Variants in PRTFDC1 observed in about 807,000 individuals in gnomAD.
PRTFDC1 encodes the protein phosphoribosyl transferase domain containing 1, also known as phosphoribosyltransferase domain-containing protein 1.
Under a neutral mutation model 34.6 loss-of-function variants are expected in PRTFDC1, and 38 were observed. The ratio of observed to expected loss-of-function variants is 1.10; its 90% CI spans 0.85 to 1.44. The LOEUF (loss-of-function observed/expected upper bound fraction) is 1.44. Among genes scored for constraint, PRTFDC1 ranks in the 40% most tolerant of loss-of-function variants. The probability of loss-of-function intolerance (pLI) is 0.00; values close to 1 mark genes in which losing one functional copy is unlikely to be tolerated. For synonymous variants in PRTFDC1, 93 were observed against 98.1 expected (o/e 0.95, Z 0.31); for missense variants, 270 against 283.0 (o/e 0.95, Z 0.33).
At chr10:24,875,102 C>T (rs1245324357) in intron 3 of PRTFDC1, among the ~76,000 whole-genome samples, 1 of 152,120 alleles carries the variant, frequency 6.6e-6, no homozygotes, top group Non-Finnish European at 1.5e-5. Flanking sequence ...CTATAAATTA[C>T]CCAGTCTCAG....
At chr10:24,899,620 C>A (rs1487651349) in intron 3 of PRTFDC1, among the ~76,000 whole-genome samples, 1 of 152,078 alleles carries the variant, frequency 6.6e-6, no homozygotes, top group African/African-American at 2.4e-5. Context: ...TTTTAACTAA[C>A]CAGAAAGTGG....
At chr10:24,869,071 T>C (rs941244625) in intron 4 of PRTFDC1, among the ~76,000 whole-genome samples, 1 of 152,222 alleles carries the variant, frequency 6.6e-6, no homozygotes, top group African/African-American at 2.4e-5. Flanking sequence ...CTTTGAAATA[T>C]ACAACACATT....
intron 7 of PRTFDC1, among the ~76,000 whole-genome samples, chr10:24,852,669 G>A (rs1334442789): frequency 2.0e-5 from 3 of 152,186 alleles, no homozygotes; most frequent in East Asian, 3.9e-4. Context: ...ACAGAATAAA[G>A]GTGCACTGGT....
chr10:24,856,323 G>C (rs1010667898), intron 6 of PRTFDC1, among the ~76,000 whole-genome samples: 78 of 150,924 alleles, frequency 5.2e-4, no homozygotes, highest in African/African-American at 1.7e-3. Flanking sequence ...GCAGTGGCTC[G>C]TGCCTGTAAT....
At chr10:24,866,360 CAAAAAAAAAAAAAAAAAAAA>C (rs1431423191) in intron 4 of PRTFDC1, among the ~76,000 whole-genome samples, 684 of 51,812 alleles carry the variant, frequency 0.013, 1 homozygote, top group Middle Eastern at 0.022. Context: ...GATTCTGCCT[CAAAAAAAAAAAAAAAAAAAA>C]GAAAAAAAAA....
At chr10:24,880,457 C>T (rs910468984) in intron 3 of PRTFDC1, among the ~76,000 whole-genome samples, 1 of 152,030 alleles carries the variant, frequency 6.6e-6, no homozygotes, top group African/African-American at 2.4e-5. Context: ...GGGGTTTCAC[C>T]ATGTCTTTAG....
chr10:24,892,132 G>C (rs1848272944), intron 3 of PRTFDC1, among the ~76,000 whole-genome samples: 1 of 152,070 alleles, frequency 6.6e-6, no homozygotes, highest in African/African-American at 2.4e-5. Flanking sequence ...CCCAGCAGTG[G>C]GATTGCTGGA....
intron 3 of PRTFDC1, among the ~76,000 whole-genome samples, chr10:24,893,314 G>T (rs1345832030): frequency 1.3e-5 from 2 of 151,032 alleles, no homozygotes; most frequent in African/African-American, 4.9e-5. Flanking sequence ...CTCTTGGCAG[G>T]GTCTTGTTCT....
intron 3 of PRTFDC1, among the ~76,000 whole-genome samples, chr10:24,898,681 A>G (rs1430659800): frequency 6.6e-6 from 1 of 152,132 alleles, no homozygotes; most frequent in African/African-American, 2.4e-5. Context: ...CTCCAGTGTG[A>G]AAAATTCCAA....
intron 7 of PRTFDC1, among the ~76,000 whole-genome samples, chr10:24,854,060 A>C (rs1013439604): frequency 6.6e-6 from 1 of 152,192 alleles, no homozygotes; most frequent in Non-Finnish European, 1.5e-5. Flanking sequence ...TGTGTGGATG[A>C]AATGAGCTAA....
intron 4 of PRTFDC1, among the ~76,000 whole-genome samples, chr10:24,859,448 T>A (rs1456985547): frequency 4.6e-5 from 7 of 152,148 alleles, no homozygotes; most frequent in Admixed American, 2.0e-4. Context: ...TTAGTAGAGA[T>A]GGAGTTTTAC....
chr10:24,872,796 A>ATG (rs1847897347), intron 3 of PRTFDC1, among the ~76,000 whole-genome samples: 1 of 122,256 alleles, frequency 8.2e-6, no homozygotes, highest in Non-Finnish European at 1.6e-5. Flanking sequence ...GTGTATATAT[A>ATG]TATATATATA....
chr10:24,863,342 T>G (rs1227190314), intron 4 of PRTFDC1, among the ~76,000 whole-genome samples: 1 of 152,224 alleles, frequency 6.6e-6, no homozygotes, highest in Non-Finnish European at 1.5e-5. Flanking sequence ...GCACATCTGC[T>G]TACAACATGC....
chr10:24,934,700 A>C (rs767691992), intron 3 of PRTFDC1, among the ~76,000 whole-genome samples: 25 of 152,146 alleles, frequency 1.6e-4, no homozygotes, highest in Non-Finnish European at 3.7e-4. Context: ...CCACATTTCC[A>C]GACCGAACCA....
At chr10:24,902,164 T>C (rs1376723681) in intron 3 of PRTFDC1, among the ~76,000 whole-genome samples, 1 of 151,692 alleles carries the variant, frequency 6.6e-6, no homozygotes, top group African/African-American at 2.4e-5. Context: ...AGCTGCCTCA[T>C]TGCTGGATGG....
intron 1 of PRTFDC1, among the ~76,000 whole-genome samples, chr10:24,951,769 A>T (rs747196974): frequency 9.9e-5 from 15 of 152,094 alleles, no homozygotes; most frequent in Admixed American, 1.3e-4. Flanking sequence ...ATCCTAGCAC[A>T]CTGAGAGATG....
chr10:24,924,563 A>G (rs1167375836), intron 3 of PRTFDC1, among the ~76,000 whole-genome samples: 3 of 152,324 alleles, frequency 2.0e-5, no homozygotes, highest in Non-Finnish European at 2.9e-5. Flanking sequence ...AAATTTTGCA[A>G]TCTACCCATC....
intron 3 of PRTFDC1, among the ~76,000 whole-genome samples, chr10:24,912,386 C>T (rs1848640377): frequency 7.1e-6 from 1 of 141,200 alleles, no homozygotes; most frequent in Non-Finnish European, 1.5e-5. Context: ...TCCAACTTTA[C>T]TTCCTCAACC....
At chr10:24,921,889 A>G (rs1848795892) in intron 3 of PRTFDC1, among the ~76,000 whole-genome samples, 1 of 152,190 alleles carries the variant, frequency 6.6e-6, no homozygotes, top group Admixed American at 6.5e-5. Flanking sequence ...ATAATGGCAA[A>G]CTCATGCAAG....
Sources: gnomAD v4.1 joint callset for allele counts (sites outside exome capture counted in the v4.1 genomes callset) on GRCh38, gnomAD v4.1.1 for gene constraint, MANE v1.5 for transcripts, NCBI Gene and HGNC (gene_info 2026-07-23, HGNC 2026-07-21) for gene names.